The following PTCD3 variants were observed in gnomAD, a reference collection of about 807,000 sequenced individuals.
The protein encoded by PTCD3 is pentatricopeptide repeat domain 3, also known as small ribosomal subunit protein mS39.
Under a neutral mutation model 101.9 loss-of-function variants are expected in PTCD3, and 89 were observed. The observed-to-expected ratio is 0.87, with a 90% confidence interval of 0.74 to 1.04. The LOEUF (loss-of-function observed/expected upper bound fraction) is 1.04, where lower values mean the gene tolerates loss of function less well. Ranked by LOEUF, PTCD3 falls within the 50% of genes least tolerant of loss-of-function variation. The pLI, the probability that PTCD3 is intolerant of heterozygous loss-of-function variation, is 0.00. For synonymous variants in PTCD3, 296 were observed against 278.5 expected (o/e 1.06, Z -0.63); for missense variants, 870 against 828.2 (o/e 1.05, Z -0.62).
chr2:86,135,504 C>T (rs987977365), intron 21 of PTCD3, among the ~76,000 whole-genome samples: 2 of 152,196 alleles, frequency 1.3e-5, no homozygotes, highest in Admixed American at 6.5e-5. Context: ...ATCAGCACTT[C>T]ATTCACATAC....
intron 4 of PTCD3, 61 bp from the exon 5 acceptor site, chr2:86,116,469 A>G: frequency 1.5e-6 from 2 of 1,373,242 alleles, no homozygotes; most frequent in Non-Finnish European, 1.0e-6. Flanking sequence ...TCCAGGAGCT[A>G]AAAGTTACAG....
intron 13 of PTCD3, 144 bp downstream of exon 13, chr2:86,127,449 A>C: frequency 1.1e-6 from 1 of 931,486 alleles, no homozygotes; most frequent in Non-Finnish European, 1.6e-6. Flanking sequence ...ACATTTACTT[A>C]CATGTACTTA....
chr2:86,106,423 T>G, intron 1 of PTCD3, 72 bp downstream of exon 1: 1 of 1,472,458 alleles, frequency 6.8e-7, no homozygotes, highest in African/African-American at 1.4e-5. Flanking sequence ...CAGCTGGCTG[T>G]GGAAGTAGGC....
chr2:86,133,309 C>A lies in PTCD3; in HGVS notation c.1453-37C>A, dbSNP rs138298933. ...TCATTCTAGATGAATTGGGTTTCTGCAGATTAATGCTTTAAAAATGTGTTT... is the reference window on the plus strand; with the variant it reads ...TCATTCTAGATGAATTGGGTTTCTGAAGATTAATGCTTTAAAAATGTGTTT... On this transcript the variant is annotated intron_variant, in intron 18 of 23. Transcript: ENST00000254630. 1.6e-4 allele frequency: 258 copies of A among 1,612,686 alleles called. No individual in the cohort carries two copies. In the East Asian group the frequency reaches 5.3e-3, roughly 33 times the overall value.
At chr2:86,127,763 A>G in intron 13 of PTCD3, 178 bp from the exon 14 acceptor site, 1 of 601,196 alleles carries the variant, frequency 1.7e-6, no homozygotes. Context: ...TCTTTGTGAT[A>G]GTTTTTTACC....
At chr2:86,134,226 A>T in intron 19 of PTCD3, 66 bp from the exon 20 acceptor site, 2 of 1,207,318 alleles carry the variant, frequency 1.7e-6, no homozygotes, top group South Asian at 1.3e-5. Context: ...AAATAGGTTG[A>T]CAGTGAACAA....
At chr2:86,111,189 T>G in intron 4 of PTCD3, 31 bp downstream of exon 4, 2 of 1,582,408 alleles carry the variant, frequency 1.3e-6, no homozygotes, top group South Asian at 2.2e-5. Context: ...TTTTTTAACC[T>G]AAAACTTGGC....
chr2:86,107,965 C>CA (rs147227816), intron 1 of PTCD3, among the ~76,000 whole-genome samples: 6,502 of 152,066 alleles, frequency 0.043, 491 homozygotes, highest in African/African-American at 0.15. Context: ...TGCTTGCTTC[C>CA]AAAACTTTTG....
intron 8 of PTCD3, among the ~76,000 whole-genome samples, chr2:86,122,654 G>T (rs1674304892): frequency 6.6e-6 from 1 of 152,168 alleles, no homozygotes; most frequent in Admixed American, 6.5e-5. Context: ...CAACTCTGGG[G>T]CTCAGGTGAT....
chr2:86,137,085 T>C lies in PTCD3; in HGVS notation c.1924T>C (p.Cys642Arg). ...ELASAFSLPICEGLTQRVMSD... is the reference protein window; with the variant it reads ...ELASAFSLPIREGLTQRVMSD... ...GGCAAGTGCCTTCAGCTTACCTATT[T>C]GTGAGGGCCTCACCCAGAGAGTAAT... is the stretch of plus-strand genomic sequence containing the variant. The change falls in exon 23 of 24, where the codon TGT (cysteine) becomes CGT (arginine). Residue 642 changes from cysteine to arginine, a missense_variant. Transcript: ENST00000254630. The C allele has an allele frequency of 6.2e-7, 1 of 1,612,308 alleles. No individual in the cohort carries two copies. Among genetic ancestry groups the C allele is most frequent in the South Asian group, 1.1e-5 (1 of 90,514 alleles).
At chr2:86,108,142 A>G (rs1049380322) in intron 1 of PTCD3, among the ~76,000 whole-genome samples, 2 of 152,116 alleles carry the variant, frequency 1.3e-5, no homozygotes, top group South Asian at 2.1e-4. Flanking sequence ...AAAAAAAAAA[A>G]AAGTTTTGAC....
intron 20 of PTCD3, 101 bp downstream of exon 20, chr2:86,134,478 C>A: frequency 1.1e-6 from 1 of 944,988 alleles, no homozygotes; most frequent in Non-Finnish European, 1.6e-6. Context: ...TTCTGCTACC[C>A]AAACCCATAT....
Position 86,137,946 on chromosome 2 carries a change from T to G in PTCD3, c.*387T>G. 4.6e-6 allele frequency: 1 copy of G among 215,090 alleles called. No homozygotes were observed. Among genetic ancestry groups the G allele is most frequent in the Admixed American group, 4.9e-5 (1 of 20,362 alleles). The allele number at this position is 215,090 out of a possible 1,614,324, so 13.3% of individuals were successfully genotyped here. On this transcript the variant is annotated 3_prime_UTR_variant, in exon 24 of 24. Transcript: ENST00000254630. ...TTCTGCCTTTGTTGGCCTGATGTGCTGCTGTGATGCTGGTCCTTCATCTTA... is the reference window on the plus strand; with the variant it reads ...TTCTGCCTTTGTTGGCCTGATGTGCGGCTGTGATGCTGGTCCTTCATCTTA...
chr2:86,120,514 G>T (rs966819015), intron 7 of PTCD3, among the ~76,000 whole-genome samples: 1 of 152,140 alleles, frequency 6.6e-6, no homozygotes, highest in South Asian at 2.1e-4. Flanking sequence ...CTTCTCCATA[G>T]CCTGTACCCT....
rs202041838 is a variant in PTCD3 at position 86,127,221 on chromosome 2, A to G, written c.1012A>G (p.Ile338Val). The G allele has an allele frequency of 9.3e-6, 15 of 1,613,812 alleles. 1 individual carries two copies. In the Middle Eastern group the frequency reaches 9.9e-4, roughly 107 times the overall value. Reference sequence around the variant, plus strand: ...ACCAAATCTTCAGACTTTTAATACCATTCTGAAATGTCTCCGAAGATTTCA... The same window carrying G: ...ACCAAATCTTCAGACTTTTAATACCGTTCTGAAATGTCTCCGAAGATTTCA... ...VKPNLQTFNT[I>V]LKCLRRFHVF... Residue 338 changes from isoleucine (I) to valine (V), a missense_variant, in exon 13 of 24, where the codon ATT (isoleucine) becomes GTT (valine). By Grantham distance (29) the Ile-to-Val change is conservative (BLOSUM62 3). Transcript: ENST00000254630.
chr2:86,129,280 C>T (rs1342169751), intron 14 of PTCD3, among the ~76,000 whole-genome samples: 1 of 152,214 alleles, frequency 6.6e-6, no homozygotes, highest in Non-Finnish European at 1.5e-5. Context: ...GATGTACTTA[C>T]ATTTCCTAAG....
Position 86,134,350 on chromosome 2 carries a change from C to T in PTCD3, c.1602C>T (p.Leu534=), listed in dbSNP as rs761645315. 88 of 1,613,312 alleles carry T rather than the reference C, an allele frequency of 5.5e-5. No individual in the cohort carries two copies. In the Admixed American group the frequency reaches 1.4e-3, roughly 26 times the overall value. The part of the protein sequence containing the change: ...RSDLREEILM[L]MARDKHPPEL... ...ACCTGAGAGAAGAGATCCTGATGCT[C>T]ATGGCAAGGGACAAGCACCCACCAG... Residue 534 remains leucine (L), a synonymous_variant, in exon 20 of 24, where the codon CTC becomes CTT. Coordinates refer to ENST00000254630, the MANE Select transcript of PTCD3 (RefSeq NM_017952.6).
At chr2:86,108,790 G>A (rs537151003) in intron 3 of PTCD3, 2 of 394,490 alleles carry the variant, frequency 5.1e-6, no homozygotes, top group Non-Finnish European at 4.6e-6. Flanking sequence ...TACTATTTAC[G>A]TGGTTAATAA....
At chr2:86,106,678 T>A (rs1394485423) in intron 1 of PTCD3, among the ~76,000 whole-genome samples, 2 of 152,172 alleles carry the variant, frequency 1.3e-5, no homozygotes, top group Non-Finnish European at 2.9e-5. Flanking sequence ...TATCCGCCAT[T>A]ACTCATTTTA....
Sources: gnomAD v4.1 joint callset for allele counts (sites outside exome capture counted in the v4.1 genomes callset) on GRCh38, gnomAD v4.1.1 for gene constraint, MANE v1.5 for transcripts, NCBI Gene and HGNC (gene_info 2026-07-23, HGNC 2026-07-21) for gene names.